The following PCCA variants were observed in gnomAD, a reference collection of about 807,000 sequenced individuals.
PCCA encodes propionyl-CoA carboxylase alpha chain, mitochondrial.
In PCCA, 74 loss-of-function variants were observed where a neutral mutation model predicts 101.3. That is an observed-to-expected ratio of 0.73 (90% CI 0.61 to 0.89). PCCA has a LOEUF of 0.89. PCCA is among the 40% of genes least tolerant of loss of function. PCCA has a pLI of 0.00. For missense variants in PCCA, 891 were observed against 907.0 expected, an observed-to-expected ratio of 0.98 and a Z score of 0.23; for synonymous variants, 294 against 313.6, an observed-to-expected ratio of 0.94 and a Z score of 0.66.
At chr13:100,252,727 G>A (rs1419194067) in intron 8 of PCCA, among the ~76,000 whole-genome samples, 1 of 152,120 alleles carries the variant, frequency 6.6e-6, no homozygotes, top group Non-Finnish European at 1.5e-5. Context: ...TAAGCTCCTA[G>A]AATCTTCCTT....
In PCCA at chr13:100,107,766, C is replaced by T. The variant is rs193206362; in HGVS notation, c.184-4075C>T. Among the ~76,000 whole-genome samples the T allele has an allele frequency of 2.6e-3, 396 of 152,206 alleles. 2 individuals are homozygous for T. The highest frequency in any genetic ancestry group is 4.0e-3 in the Non-Finnish European group (272 of 68,022). On this transcript the variant is annotated intron_variant, in intron 2 of 23. Coordinates refer to ENST00000376285, the MANE Select transcript of PCCA (RefSeq NM_000282.4). ...GAACTGACTTCGTGGGATTATTATG[C>T]TAAATATTGTCATCATAGCCATTAC...
chr13:100,507,760 G>T (rs534556445), intron 21 of PCCA, among the ~76,000 whole-genome samples: 1 of 152,062 alleles, frequency 6.6e-6, no homozygotes, highest in African/African-American at 2.4e-5. Context: ...AGGTTCAAGC[G>T]ATTCTTCTGC....
chr13:100,488,774 G>A (rs1013895385), intron 21 of PCCA, among the ~76,000 whole-genome samples: 33 of 151,888 alleles, frequency 2.2e-4, no homozygotes, highest in African/African-American at 7.0e-4. Context: ...TCACTGCACT[G>A]CAATCTGGGC....
chr13:100,114,327 C>T (rs2048595420), intron 4 of PCCA, among the ~76,000 whole-genome samples: 1 of 152,068 alleles, frequency 6.6e-6, no homozygotes, highest in African/African-American at 2.4e-5. Flanking sequence ...CCTGTAATCC[C>T]AGCACTTTGG....
intron 8 of PCCA, among the ~76,000 whole-genome samples, chr13:100,244,962 T>TGTGTGTGTGTGTGC (rs1555392072): frequency 7.0e-6 from 1 of 143,250 alleles, no homozygotes; most frequent in African/African-American, 2.6e-5. Flanking sequence ...TGTGTGTGTG[T>TGTGTGTGTGTGTGC]GTGCGCAGTA....
At chr13:100,146,878 G>A (rs141939639) in intron 4 of PCCA, among the ~76,000 whole-genome samples, 1 of 143,098 alleles carries the variant, frequency 7.0e-6, no homozygotes, top group Non-Finnish European at 1.5e-5. Flanking sequence ...CATGTTTAGG[G>A]AAGCTTATTG....
intron 4 of PCCA, among the ~76,000 whole-genome samples, chr13:100,115,373 C>G (rs909726011): frequency 3.3e-5 from 5 of 152,044 alleles, no homozygotes; most frequent in African/African-American, 1.2e-4. Context: ...AACAGGGTGA[C>G]TACAGTCTGC....
intron 22 of PCCA, among the ~76,000 whole-genome samples, chr13:100,526,577 G>A (rs1307763337): frequency 6.6e-6 from 1 of 152,252 alleles, no homozygotes; most frequent in Non-Finnish European, 1.5e-5. Flanking sequence ...AGGCGCTTCT[G>A]AGGCATTGGA....
At chr13:100,488,058 A>C (rs1001441025) in intron 21 of PCCA, among the ~76,000 whole-genome samples, 4 of 151,858 alleles carry the variant, frequency 2.6e-5, no homozygotes, top group African/African-American at 9.7e-5. Flanking sequence ...TTTTTTAATG[A>C]AGCCACAAGC....
chr13:100,297,038 G>A (rs1002456048), intron 12 of PCCA, among the ~76,000 whole-genome samples: 4 of 152,112 alleles, frequency 2.6e-5, no homozygotes, highest in African/African-American at 9.7e-5. Context: ...TTTATAAAAT[G>A]TCACTCATTT....
chr13:100,156,717 T>C (rs2053928613), intron 5 of PCCA, among the ~76,000 whole-genome samples: 1 of 152,184 alleles, frequency 6.6e-6, no homozygotes, highest in Non-Finnish European at 1.5e-5. Flanking sequence ...TAGTTCAGTT[T>C]GATAGAAACG....
rs867706088 is a variant in PCCA, at chr13:100,411,059, T to C, written c.1747-14574T>C. Among the ~76,000 whole-genome samples the C allele has an allele frequency of 5.9e-5, 9 of 152,184 alleles. No homozygotes were observed. The Middle Eastern group carries it at 0.014, about 232-fold the overall frequency. On this transcript the variant is annotated intron_variant, in intron 19 of 23. Transcript: ENST00000376285. ...TAAAATAAATCCTACATTGTTGAAA[T>C]GTTTGGAATCAGAGGTATCAATGTG...
chr13:100,467,774 A>G (rs1188574423), intron 21 of PCCA, among the ~76,000 whole-genome samples: 1 of 152,172 alleles, frequency 6.6e-6, no homozygotes, highest in Non-Finnish European at 1.5e-5. Context: ...TGAACCCCTC[A>G]AAGTCACCCA....
chr13:100,360,636 A>G (rs559568361), intron 18 of PCCA, among the ~76,000 whole-genome samples: 1 of 152,206 alleles, frequency 6.6e-6, no homozygotes, highest in Admixed American at 6.5e-5. Context: ...ACCTATTAGA[A>G]TGTCTAAAAT....
At chr13:100,274,882 C>A (rs1237560931) in intron 12 of PCCA, among the ~76,000 whole-genome samples, 2 of 152,086 alleles carry the variant, frequency 1.3e-5, no homozygotes, top group Non-Finnish European at 2.9e-5. Context: ...TCAAAAAACA[C>A]ATATGGCCTA....
intron 7 of PCCA, among the ~76,000 whole-genome samples, chr13:100,222,524 T>G (rs756731507): frequency 2.0e-5 from 3 of 152,238 alleles, no homozygotes; most frequent in African/African-American, 2.4e-5. Context: ...CCATTCACAT[T>G]TACTAGTTTA....
intron 21 of PCCA, among the ~76,000 whole-genome samples, chr13:100,451,669 C>T (rs1039349597): frequency 6.6e-6 from 1 of 151,664 alleles, no homozygotes; most frequent in African/African-American, 2.4e-5. Context: ...TCCTTGATTA[C>T]TTTCTCTCCT....
intron 19 of PCCA, among the ~76,000 whole-genome samples, chr13:100,408,833 A>G (rs1473677210): frequency 1.3e-5 from 2 of 152,220 alleles, no homozygotes; most frequent in African/African-American, 2.4e-5. Context: ...AAGAGAAAAA[A>G]CTTAAAAGTT....
At chr13:100,216,441 C>T (rs1424201648) in intron 7 of PCCA, among the ~76,000 whole-genome samples, 1 of 152,198 alleles carries the variant, frequency 6.6e-6, no homozygotes, top group Non-Finnish European at 1.5e-5. Flanking sequence ...TAAATGTCTC[C>T]TTCCTACACG....
Sources: allele counts gnomAD v4.1 joint callset (sites outside exome capture counted in the v4.1 genomes callset), GRCh38; gene constraint gnomAD v4.1.1; transcripts MANE v1.5; gene names NCBI Gene and HGNC (gene_info 2026-07-23, HGNC 2026-07-21).